Variants in SBF2 observed in about 807,000 individuals in gnomAD.
SBF2 encodes the protein myotubularin-related protein 13.
Under a neutral mutation model 225.2 loss-of-function variants are expected in SBF2, and 112 were observed. The observed-to-expected ratio is 0.50, with a 90% CI of 0.43 to 0.58. SBF2 has a LOEUF of 0.58. Among genes scored for constraint, SBF2 ranks in the 20% least tolerant of loss-of-function variants. The pLI is 0.00. For synonymous variants in SBF2, 763 were observed against 773.3 expected, an observed-to-expected ratio of 0.99 and a Z score of 0.22; for missense variants, 1,996 against 2,206.2, an observed-to-expected ratio of 0.90 and a Z score of 1.91.
intron 1 of SBF2, among the ~76,000 whole-genome samples, chr11:10,199,955 G>C (rs1957514890): frequency 6.6e-6 from 1 of 152,176 alleles, no homozygotes; most frequent in Non-Finnish European, 1.5e-5. Flanking sequence ...CCACTTCTGG[G>C]TATATTTCCA....
intron 2 of SBF2, among the ~76,000 whole-genome samples, chr11:10,083,180 G>A (rs1373180272): frequency 2.0e-5 from 3 of 151,952 alleles, no homozygotes; most frequent in Non-Finnish European, 4.4e-5. Context: ...TAACGAAGGA[G>A]GTGAAAGATC....
intron 2 of SBF2, among the ~76,000 whole-genome samples, chr11:10,077,798 A>C (rs536956360): frequency 6.6e-6 from 1 of 152,358 alleles, no homozygotes; most frequent in South Asian, 2.1e-4. Context: ...GGATCTAATT[A>C]AACTAAAGAG....
At position 10,000,956 on chromosome 11, in the gene SBF2, A is replaced by G. The variant is rs1947929110; in HGVS notation, c.819T>C (p.Ile273=). 6.2e-7 allele frequency: 1 copy of G among 1,606,620 alleles called. No homozygotes were observed. Reference sequence around the variant, plus strand: ...TTTTAAAGACAGAATGTACTCCAATAATGAAAGGCGTTGGGGAACTTAGAA... The same window carrying G: ...TTTTAAAGACAGAATGTACTCCAATGATGAAAGGCGTTGGGGAACTTAGAA... The part of the protein sequence containing the change: ...LEVLSSPTPF[I]IGVHSVFKTD... Residue 273 remains isoleucine, a synonymous_variant, in exon 8 of 40, where the codon ATT becomes ATC. Transcript: ENST00000256190.
At chr11:9,845,389 C>T (rs1856465376) in intron 24 of SBF2, among the ~76,000 whole-genome samples, 176 bp downstream of exon 24, 1 of 152,160 alleles carries the variant, frequency 6.6e-6, no homozygotes, top group African/African-American at 2.4e-5. Flanking sequence ...TTGAAACTTG[C>T]TACATTTATC....
At chr11:10,245,957 G>A (rs1019977327) in intron 1 of SBF2, among the ~76,000 whole-genome samples, 2 of 152,176 alleles carry the variant, frequency 1.3e-5, no homozygotes, top group South Asian at 4.1e-4. Context: ...ACAGTAGAAT[G>A]GTGGTTACCA....
At chr11:10,106,716 T>TA (rs1029178425) in intron 2 of SBF2, among the ~76,000 whole-genome samples, 4 of 145,756 alleles carry the variant, frequency 2.7e-5, no homozygotes, top group African/African-American at 1.0e-4. Flanking sequence ...TATAAAGTAA[T>TA]AAAAAAGCCA....
At chr11:10,149,375 C>T (rs1233924626) in intron 2 of SBF2, 1 of 151,942 alleles carries the variant, frequency 6.6e-6, no homozygotes, top group African/African-American at 2.4e-5. Flanking sequence ...TCATTTTTTC[C>T]AATTCTGAAT....
At chr11:9,999,108 A>G (rs1180636395) in intron 8 of SBF2, among the ~76,000 whole-genome samples, 1 of 152,224 alleles carries the variant, frequency 6.6e-6, no homozygotes, top group African/African-American at 2.4e-5. Flanking sequence ...ATAAAAGTGT[A>G]AGAGAAAACA....
At chr11:10,246,573 AC>A (rs1959814978) in intron 1 of SBF2, among the ~76,000 whole-genome samples, 1 of 152,198 alleles carries the variant, frequency 6.6e-6, no homozygotes, top group South Asian at 2.1e-4. Context: ...AAGAGCCACC[AC>A]ACCCAGTTGA....
chr11:10,222,631 T>C (rs907897156), intron 1 of SBF2, among the ~76,000 whole-genome samples: 1 of 152,172 alleles, frequency 6.6e-6, no homozygotes, highest in Non-Finnish European at 1.5e-5. Flanking sequence ...TCATGACTGG[T>C]CTGCACATAC....
chr11:10,152,713 CCAAAGT>C (rs1414273906), intron 2 of SBF2, among the ~76,000 whole-genome samples: 2 of 151,906 alleles, frequency 1.3e-5, no homozygotes, highest in African/African-American at 4.8e-5. Flanking sequence ...AAAGTGTCAC[CCAAAGT>C]CAAAGTATAC....
chr11:10,074,901 G>A (rs1389743426), intron 2 of SBF2, among the ~76,000 whole-genome samples: 1 of 152,166 alleles, frequency 6.6e-6, no homozygotes, highest in African/African-American at 2.4e-5. Flanking sequence ...TTTACCCTCT[G>A]TATGTCTGGA....
chr11:10,013,985 A>G (rs1948552012), intron 6 of SBF2, among the ~76,000 whole-genome samples: 1 of 152,154 alleles, frequency 6.6e-6, no homozygotes, highest in Non-Finnish European at 1.5e-5. Flanking sequence ...CTGGTGCTAA[A>G]CATGTCCTAG....
chr11:10,180,468 TTC>T lies in SBF2; in HGVS notation c.141+13432_141+13433del, dbSNP rs137887302. On this transcript the variant is annotated intron_variant, in intron 2 of 39. Transcript: ENST00000256190. ...ATACTAGAGCTCTATTGTATGTTAT[TTC>T]TTTCTTTTCTCTGGTTGCTTTCAAG... 5.6e-3 allele frequency among the ~76,000 whole-genome samples: 855 copies of T among 152,258 alleles called. 10 individuals carry two copies. The highest frequency in any genetic ancestry group is 0.02 in the African/African-American group (816 of 41,576).
intron 3 of SBF2, among the ~76,000 whole-genome samples, chr11:10,039,721 T>A (rs938043716): frequency 3.3e-5 from 5 of 151,902 alleles, no homozygotes; most frequent in Non-Finnish European, 7.4e-5. Context: ...GTCAGACTCC[T>A]TGAAGAAATG....
At chr11:9,803,364 G>A (rs1272919304) in intron 32 of SBF2, among the ~76,000 whole-genome samples, 4 of 152,194 alleles carry the variant, frequency 2.6e-5, no homozygotes, top group African/African-American at 9.7e-5. Context: ...TAATAGGAAT[G>A]TAAGTTATGC....
At chr11:10,160,250 G>C (rs1005944891) in intron 2 of SBF2, among the ~76,000 whole-genome samples, 9 of 152,036 alleles carry the variant, frequency 5.9e-5, no homozygotes, top group Non-Finnish European at 1.2e-4. Flanking sequence ...GTAAAAAAAA[G>C]TGTTGGTGAA....
intron 1 of SBF2, among the ~76,000 whole-genome samples, chr11:10,215,772 A>C (rs562789786): frequency 2.6e-5 from 4 of 152,338 alleles, no homozygotes; most frequent in African/African-American, 9.6e-5. Context: ...TGTGCACTTC[A>C]AATCATTTTC....
At position 9,965,500 on chromosome 11, in the gene SBF2, C is replaced by T. The variant is rs190041279; in HGVS notation, c.1601-1618G>A. On this transcript the variant is annotated intron_variant, in intron 14 of 39. Transcript: ENST00000256190. ...ACAGCGGTTCTCTATGTTGCTCAGG[C>T]TAGTCTTGAACTCCCGACCTCAGGT... 7.3e-4 allele frequency among the ~76,000 whole-genome samples: 111 copies of T among 152,218 alleles called. 1 individual carries two copies. The highest frequency in any genetic ancestry group is 2.4e-3 in the African/African-American group (101 of 41,542).
Sources: allele counts gnomAD v4.1 joint callset (sites outside exome capture counted in the v4.1 genomes callset), GRCh38; gene constraint gnomAD v4.1.1; transcripts MANE v1.5; gene names NCBI Gene and HGNC (gene_info 2026-07-23, HGNC 2026-07-21).